Variants in ASIC2 observed in about 807,000 individuals in gnomAD.
ASIC2 encodes acid sensing ion channel subunit 2.
In ASIC2, 25 loss-of-function variants were observed where a neutral mutation model predicts 57.3. The ratio of observed to expected loss-of-function variants is 0.44; its 90% CI spans 0.32 to 0.61. ASIC2 has a LOEUF of 0.61. Among genes scored for constraint, ASIC2 ranks in the 20% least tolerant of loss-of-function variants. The pLI is 0.06. For synonymous variants in ASIC2, 319 were observed against 307.5 expected, an observed-to-expected ratio of 1.04 and a Z score of -0.39; for missense variants, 641 against 738.1, an observed-to-expected ratio of 0.87 and a Z score of 1.52.
intron 1 of ASIC2, among the ~76,000 whole-genome samples, chr17:33,980,323 C>A (rs1020914829): frequency 2.6e-5 from 4 of 152,108 alleles, no homozygotes; most frequent in African/African-American, 9.7e-5. Context: ...TGAGGGCTGG[C>A]CTTTGTGTCT....
intron 9 of ASIC2, among the ~76,000 whole-genome samples, chr17:33,015,036 C>T (rs945322170): frequency 2.6e-5 from 4 of 152,224 alleles, no homozygotes; most frequent in African/African-American, 9.6e-5. Context: ...GCCCCTTCCA[C>T]ACTGCCCTCC....
At chr17:33,448,305 C>T (rs879683566) in intron 1 of ASIC2, among the ~76,000 whole-genome samples, 2 of 152,120 alleles carry the variant, frequency 1.3e-5, no homozygotes, top group African/African-American at 4.8e-5. Context: ...GAATACTTGA[C>T]GGCTGTTTAG....
chr17:33,534,113 T>C (rs1025353073), intron 1 of ASIC2: 12 of 152,248 alleles, frequency 7.9e-5, no homozygotes, highest in African/African-American at 2.9e-4. Context: ...GCTGTCAAAA[T>C]TGAACCCCAG....
intron 1 of ASIC2, among the ~76,000 whole-genome samples, chr17:33,241,569 T>G (rs1170791434): frequency 2.6e-5 from 4 of 152,238 alleles, no homozygotes; most frequent in African/African-American, 9.6e-5. Flanking sequence ...GTCATAAAGA[T>G]AACATTTTGG....
chr17:33,947,002 A>G (rs1325784860), intron 1 of ASIC2, among the ~76,000 whole-genome samples: 1 of 152,188 alleles, frequency 6.6e-6, no homozygotes, highest in Non-Finnish European at 1.5e-5. Flanking sequence ...GATTATTGTT[A>G]TAAAGTTCTG....
intron 1 of ASIC2, among the ~76,000 whole-genome samples, chr17:33,712,674 C>CT (rs1909083342): frequency 9.8e-6 from 1 of 101,808 alleles, no homozygotes; most frequent in Non-Finnish European, 1.7e-5. Context: ...GAGACGGAGT[C>CT]TTGCTCTGTC....
intron 1 of ASIC2, chr17:33,834,357 C>CA (rs1321575003): frequency 1.3e-5 from 2 of 152,320 alleles, no homozygotes; most frequent in East Asian, 3.9e-4. Context: ...ACATTCCAGG[C>CA]AAGGTCCTTT....
intron 1 of ASIC2, among the ~76,000 whole-genome samples, chr17:33,229,229 A>G (rs1372612301): frequency 6.6e-6 from 1 of 152,226 alleles, no homozygotes; most frequent in East Asian, 1.9e-4. Flanking sequence ...AAGTGGAATG[A>G]AAATGGAACA....
intron 1 of ASIC2, among the ~76,000 whole-genome samples, chr17:33,786,183 A>C (rs1370044788): frequency 6.6e-5 from 10 of 152,180 alleles, no homozygotes; most frequent in Non-Finnish European, 1.5e-5. Context: ...TTGTTTGACT[A>C]ACTGGCAGGT....
chr17:33,399,958 C>T (rs1567848743), intron 1 of ASIC2, among the ~76,000 whole-genome samples: 1 of 152,174 alleles, frequency 6.6e-6, no homozygotes, highest in Non-Finnish European at 1.5e-5. Flanking sequence ...GTTAACTTCC[C>T]AAGAAATTTC....
chr17:33,401,601 C>T (rs913026337), intron 1 of ASIC2, among the ~76,000 whole-genome samples: 2 of 152,172 alleles, frequency 1.3e-5, no homozygotes, highest in African/African-American at 4.8e-5. Flanking sequence ...TGATTTATGT[C>T]TTGTAATGGA....
intron 1 of ASIC2, among the ~76,000 whole-genome samples, chr17:33,209,397 C>G (rs952256844): frequency 6.6e-6 from 1 of 152,122 alleles, no homozygotes; most frequent in Non-Finnish European, 1.5e-5. Flanking sequence ...AAAGGAATGT[C>G]CCACCTTAAA....
chr17:33,775,575 G>A (rs1407488704), intron 1 of ASIC2, among the ~76,000 whole-genome samples: 2 of 152,142 alleles, frequency 1.3e-5, no homozygotes, highest in Non-Finnish European at 2.9e-5. Flanking sequence ...TCTACAGCAG[G>A]GTCCCATAGT....
intron 3 of ASIC2, among the ~76,000 whole-genome samples, chr17:33,038,497 C>G (rs16967916): frequency 0.52 from 78,594 of 151,908 alleles, 21,580 homozygotes; most frequent in African/African-American, 0.7. Flanking sequence ...GTATAATGAA[C>G]ATGTAGGGTG....
chr17:33,206,119 C>G (rs1238152740), intron 1 of ASIC2, among the ~76,000 whole-genome samples: 2 of 152,188 alleles, frequency 1.3e-5, no homozygotes, highest in East Asian at 3.8e-4. Flanking sequence ...AGACTCAAAC[C>G]TAGATGACAG....
At chr17:34,133,979 G>T (rs1398642654) in intron 1 of ASIC2, among the ~76,000 whole-genome samples, 1 of 152,118 alleles carries the variant, frequency 6.6e-6, no homozygotes, top group Non-Finnish European at 1.5e-5. Flanking sequence ...GGCTCAAATT[G>T]TCACTAGTTC....
At chr17:34,083,337 AC>A (rs1909970599) in intron 1 of ASIC2, among the ~76,000 whole-genome samples, 1 of 151,644 alleles carries the variant, frequency 6.6e-6, no homozygotes, top group Admixed American at 6.6e-5. Context: ...CCATGTCCCT[AC>A]AAAGGACATG....
chr17:33,463,141 C>T (rs1452715025), intron 1 of ASIC2, among the ~76,000 whole-genome samples: 1 of 152,218 alleles, frequency 6.6e-6, no homozygotes, highest in Admixed American at 6.5e-5. Context: ...TGGATCCTTT[C>T]TAATGGCATC....
intron 1 of ASIC2, among the ~76,000 whole-genome samples, chr17:33,114,059 G>A (rs887875817): frequency 2.6e-5 from 4 of 152,168 alleles, no homozygotes; most frequent in South Asian, 2.1e-4. Flanking sequence ...TCTACTGCTC[G>A]CCTTGAAGAC....
Sources: allele counts gnomAD v4.1 joint callset (sites outside exome capture counted in the v4.1 genomes callset), GRCh38; gene constraint gnomAD v4.1.1; transcripts MANE v1.5; gene names NCBI Gene and HGNC (gene_info 2026-07-23, HGNC 2026-07-21).